RAB31: variants seen among roughly 807,000 people sequenced by gnomAD.
RAB31 encodes RAB31, member RAS oncogene family.
Under a neutral mutation model 25.6 loss-of-function variants are expected in RAB31, and 21 were observed. The observed-to-expected ratio is 0.82, with a 90% CI of 0.58 to 1.18. The LOEUF (loss-of-function observed/expected upper bound fraction) is 1.18. Among genes scored for constraint, RAB31 ranks in the 50% most tolerant of loss-of-function variants. The pLI, the probability that RAB31 is intolerant of heterozygous loss-of-function variation, is 0.00. For missense variants in RAB31, 196 were observed against 250.1 expected, an observed-to-expected ratio of 0.78 and a Z score of 1.46; for synonymous variants, 87 against 84.0, an observed-to-expected ratio of 1.04 and a Z score of -0.20.
chr18:9,822,193 A>T (rs1226967597), intron 5 of RAB31, among the ~76,000 whole-genome samples: 3 of 152,204 alleles, frequency 2.0e-5, no homozygotes, highest in Admixed American at 6.5e-5. Context: ...ACAAAGATGC[A>T]AAGGTAGTTC....
intron 5 of RAB31, among the ~76,000 whole-genome samples, chr18:9,820,670 C>G (rs1009885554): frequency 6.6e-6 from 1 of 151,998 alleles, no homozygotes; most frequent in Non-Finnish European, 1.5e-5. Context: ...ATAGTATTAT[C>G]TCATAATCTT....
intron 5 of RAB31, among the ~76,000 whole-genome samples, chr18:9,824,534 A>T (rs1194059878): frequency 2.0e-5 from 3 of 152,084 alleles, no homozygotes; most frequent in Non-Finnish European, 4.4e-5. Flanking sequence ...TCTTGGAAGG[A>T]GCTCTGCCTG....
chr18:9,766,695 C>G lies in RAB31; in HGVS notation c.40-8583C>G, dbSNP rs534877869. Among the ~76,000 whole-genome samples the G allele has an allele frequency of 7.2e-5, 11 of 152,166 alleles. No individual in the cohort carries two copies. The highest frequency in any genetic ancestry group is 2.7e-4 in the African/African-American group (11 of 41,444). ...ATGTGGCTGGGCGCATGGCTCACAC[C>G]GGTAATCTCAGCACTTTGGGAGGCT... On this transcript the variant is annotated intron_variant, in intron 1 of 6. Transcript: ENST00000578921. The surrounding 1 kb of genome is among the most constrained non-coding windows in gnomAD (Gnocchi z 4.3).
At chr18:9,780,460 G>A (rs2068397324) in intron 2 of RAB31, among the ~76,000 whole-genome samples, 1 of 152,028 alleles carries the variant, frequency 6.6e-6, no homozygotes, top group Admixed American at 6.6e-5. Context: ...GGTAATTACT[G>A]TAAACATTTT....
intron 1 of RAB31, among the ~76,000 whole-genome samples, chr18:9,763,796 C>T (rs544746729): frequency 9.9e-5 from 15 of 151,986 alleles, no homozygotes; most frequent in Non-Finnish European, 2.1e-4. Context: ...GTCAGCTTTT[C>T]TCATCATCAA....
intron 5 of RAB31, among the ~76,000 whole-genome samples, chr18:9,825,429 GAA>G (rs1420024620): frequency 6.6e-6 from 1 of 151,800 alleles, no homozygotes; most frequent in Non-Finnish European, 1.5e-5. Flanking sequence ...GTCTTGCAAA[GAA>G]AAAAAGAGAA....
intron 1 of RAB31, among the ~76,000 whole-genome samples, chr18:9,742,471 G>T (rs1291429292): frequency 6.6e-6 from 1 of 152,212 alleles, no homozygotes; most frequent in Non-Finnish European, 1.5e-5. Context: ...GCCTGAGTGT[G>T]GGGGCTGCTT....
intron 6 of RAB31, among the ~76,000 whole-genome samples, chr18:9,855,140 A>G (rs2068809186): frequency 6.6e-6 from 1 of 152,240 alleles, no homozygotes; most frequent in African/African-American, 2.4e-5. Flanking sequence ...GTTCCGAGCC[A>G]GGATAAAACT....
intron 1 of RAB31, among the ~76,000 whole-genome samples, chr18:9,749,941 C>T (rs1022288888): frequency 1.3e-5 from 2 of 152,126 alleles, no homozygotes; most frequent in African/African-American, 4.8e-5. Flanking sequence ...AAATTGAGCT[C>T]GTGACCTCCG....
intron 1 of RAB31, among the ~76,000 whole-genome samples, chr18:9,756,493 G>A (rs1262673933): frequency 1.3e-5 from 2 of 152,050 alleles, no homozygotes; most frequent in African/African-American, 4.8e-5. Context: ...GCAGTTAACT[G>A]TATTGCACAG....
chr18:9,782,238 G>A (rs2068408918), intron 2 of RAB31, among the ~76,000 whole-genome samples: 2 of 152,336 alleles, frequency 1.3e-5, no homozygotes, highest in East Asian at 3.9e-4. Flanking sequence ...CCCTGGCACT[G>A]CCTTCTTGGC....
At chr18:9,857,879 A>T (rs950569045) in intron 6 of RAB31, among the ~76,000 whole-genome samples, 2 of 148,898 alleles carry the variant, frequency 1.3e-5, no homozygotes, top group African/African-American at 4.9e-5. Context: ...AAAAAAAAAA[A>T]TTTATCGGGG....
intron 3 of RAB31, among the ~76,000 whole-genome samples, chr18:9,796,008 G>GA (rs1028225043): frequency 5.9e-5 from 9 of 152,248 alleles, no homozygotes; most frequent in Middle Eastern, 3.4e-3. Context: ...AGTGGATAAA[G>GA]AAAATGTGGT....
chr18:9,718,238 CA>C (rs372935418), intron 1 of RAB31, among the ~76,000 whole-genome samples: 5 of 151,904 alleles, frequency 3.3e-5, no homozygotes, highest in African/African-American at 1.2e-4. Flanking sequence ...TTCATTTTAG[CA>C]GCTAAAATAT....
rs561653240 is a variant in RAB31, at chr18:9,770,355, G to A, written c.40-4923G>A. 2.0e-5 allele frequency among the ~76,000 whole-genome samples: 3 copies of A among 152,364 alleles called. No homozygotes were observed. The South Asian group carries it at 6.2e-4, about 32-fold the overall frequency. On this transcript the variant is annotated intron_variant, in intron 1 of 6. Transcript: ENST00000578921. ...TTGCAGGAGTCCAGGAATGAATCAA[G>A]TGTTAGTGCTTGGTTTTCACAGATT...
intron 6 of RAB31, among the ~76,000 whole-genome samples, chr18:9,852,193 C>T (rs2068792679): frequency 6.6e-6 from 1 of 152,152 alleles, no homozygotes; most frequent in Non-Finnish European, 1.5e-5. Context: ...ATCCTGTGCT[C>T]ACCACCTGTA....
At chr18:9,788,552 G>T (rs2068444952) in intron 2 of RAB31, among the ~76,000 whole-genome samples, 1 of 152,140 alleles carries the variant, frequency 6.6e-6, no homozygotes, top group East Asian at 1.9e-4. Context: ...CTACTACTGG[G>T]TATTTATGCA....
chr18:9,714,749 T>TG (rs1197080739), intron 1 of RAB31, among the ~76,000 whole-genome samples: 4 of 152,202 alleles, frequency 2.6e-5, no homozygotes, highest in African/African-American at 9.7e-5. Flanking sequence ...CTGGGAGCTG[T>TG]GGGTGGCTGC....
At chr18:9,810,509 C>G (rs914869976) in intron 3 of RAB31, among the ~76,000 whole-genome samples, 1 of 152,094 alleles carries the variant, frequency 6.6e-6, no homozygotes, top group African/African-American at 2.4e-5. Flanking sequence ...GGAACTGAGA[C>G]GTGAACTTCT....
Sources: allele counts gnomAD v4.1 joint callset (sites outside exome capture counted in the v4.1 genomes callset), GRCh38; gene constraint gnomAD v4.1.1; non-coding constraint Gnocchi (gnomAD v3.1); transcripts MANE v1.5; gene names NCBI Gene and HGNC (gene_info 2026-07-23, HGNC 2026-07-21).